RTL4: variants seen among roughly 807,000 people sequenced by gnomAD.
The protein encoded by RTL4 is retrotransposon Gag-like protein 4.
In RTL4, 4 loss-of-function variants were observed where a neutral mutation model predicts 5.3. The ratio of observed to expected loss-of-function variants is 0.75; its 90% CI spans 0.37 to 1.72. RTL4 has a LOEUF of 1.72. Among genes scored for constraint, RTL4 ranks in the 40% most tolerant of loss-of-function variants. The pLI is 0.04. For missense variants in RTL4, 260 were observed against 227.1 expected (o/e 1.14, Z -0.93); for synonymous variants, 98 against 87.3 (o/e 1.12, Z -0.68).
chrX:112,110,264 C>T, the RTL4 span, among the ~76,000 whole-genome samples: 2 of 112,105 alleles, frequency 1.8e-5, no homozygotes, highest in Middle Eastern at 4.6e-3. Context: ...GAGGTCTAGG[C>T]CTTGGTGGTT....
chrX:112,141,682 T>A, the RTL4 span, among the ~76,000 whole-genome samples: 3 of 111,358 alleles, frequency 2.7e-5, no homozygotes, highest in Non-Finnish European at 5.7e-5. Context: ...GGTCTAGAGA[T>A]ATCTCGTATA....
chrX:112,183,846 G>A, the RTL4 span, among the ~76,000 whole-genome samples: 115 of 111,711 alleles, frequency 1.0e-3, no homozygotes, highest in African/African-American at 3.6e-3. Flanking sequence ...GTGTATTTGT[G>A]CCACATTTTC....
At chrX:112,161,542 G>A in the RTL4 span, among the ~76,000 whole-genome samples, 1 of 111,222 alleles carries the variant, frequency 9.0e-6, no homozygotes, top group Non-Finnish European at 1.9e-5. Context: ...ATGAGTTTTA[G>A]TTTTGCTTTA....
chrX:112,137,561 A>T, the RTL4 span, among the ~76,000 whole-genome samples: 1 of 111,204 alleles, frequency 9.0e-6, no homozygotes, highest in East Asian at 2.8e-4. Context: ...AACAGCATAG[A>T]AGAAACCACC....
chrX:112,173,806 T>C, the RTL4 span, among the ~76,000 whole-genome samples: 4 of 110,741 alleles, frequency 3.6e-5, no homozygotes, highest in African/African-American at 1.3e-4. Flanking sequence ...AGTTTTATAA[T>C]AGGTGGTTGA....
the RTL4 span, among the ~76,000 whole-genome samples, chrX:112,390,332 G>T: frequency 9.9e-6 from 1 of 100,932 alleles, no homozygotes; most frequent in African/African-American, 3.6e-5. Flanking sequence ...CACTCCTGTA[G>T]TCCCAGCTAC....
chrX:112,390,116 T>TAA, the RTL4 span, among the ~76,000 whole-genome samples: 4 of 13,931 alleles, frequency 2.9e-4, no homozygotes, highest in African/African-American at 1.1e-3. Flanking sequence ...AATATATATA[T>TAA]ATATATATAT....
chrX:112,382,786 C>G, the RTL4 span, among the ~76,000 whole-genome samples: 784 of 111,871 alleles, frequency 7.0e-3, 9 homozygotes, highest in African/African-American at 0.024. Context: ...ATTCTGATAA[C>G]AGCAAGTCCA....
At chrX:112,295,721 A>G in the RTL4 span, among the ~76,000 whole-genome samples, 1 of 112,701 alleles carries the variant, frequency 8.9e-6, no homozygotes, top group Non-Finnish European at 1.9e-5. Context: ...AGCGAGCTTA[A>G]TGGGTCTATT....
chrX:112,210,208 G>A, the RTL4 span, among the ~76,000 whole-genome samples: 1 of 112,019 alleles, frequency 8.9e-6, no homozygotes, highest in African/African-American at 3.2e-5. Flanking sequence ...CTTTCTCCTT[G>A]CCTTACCTGA....
the RTL4 span, among the ~76,000 whole-genome samples, chrX:112,152,336 T>A: frequency 1.8e-5 from 2 of 112,048 alleles, no homozygotes; most frequent in Non-Finnish European, 3.8e-5. Flanking sequence ...AGATTTAAAG[T>A]GGACTTTGAA....
At chrX:112,330,950 C>T in the RTL4 span, among the ~76,000 whole-genome samples, 5 of 110,013 alleles carry the variant, frequency 4.5e-5, no homozygotes, top group East Asian at 2.8e-4. Flanking sequence ...AACTGGCTAG[C>T]CATATGTAGA....
At chrX:112,375,282 G>A in the RTL4 span, among the ~76,000 whole-genome samples, 4 of 110,983 alleles carry the variant, frequency 3.6e-5, no homozygotes, top group South Asian at 3.9e-4. Flanking sequence ...CAGTTGAGGC[G>A]GGGGCGGAAG....
the RTL4 span, among the ~76,000 whole-genome samples, chrX:112,159,758 G>A: frequency 1.8e-5 from 2 of 110,955 alleles, no homozygotes; most frequent in South Asian, 3.9e-4. Context: ...CTGCATGCCC[G>A]TCTCCCCACT....
the RTL4 span, among the ~76,000 whole-genome samples, chrX:112,106,638 C>T: frequency 8.9e-6 from 1 of 111,760 alleles, no homozygotes; most frequent in East Asian, 2.8e-4. Context: ...ATACTTCCAC[C>T]AGCAGTCTAT....
the RTL4 span, among the ~76,000 whole-genome samples, chrX:112,261,192 G>A: frequency 2.7e-5 from 3 of 111,409 alleles, no homozygotes; most frequent in Non-Finnish European, 3.8e-5. Context: ...TTCTGACCAC[G>A]GAAATCAGGC....
At chrX:112,346,999 CT>C in the RTL4 span, among the ~76,000 whole-genome samples, 1 of 111,699 alleles carries the variant, frequency 9.0e-6, no homozygotes, top group Non-Finnish European at 1.9e-5. Flanking sequence ...GATTTTAGTG[CT>C]TGTTATCTGT....
chrX:112,083,362 C>T, the RTL4 span, among the ~76,000 whole-genome samples: 1 of 112,449 alleles, frequency 8.9e-6, no homozygotes. Context: ...GAGGCTGCTC[C>T]GGCGACCATA....
chrX:112,083,113 C>A, the RTL4 span, among the ~76,000 whole-genome samples: 42 of 111,407 alleles, frequency 3.8e-4, no homozygotes, highest in Admixed American at 2.4e-3. Context: ...ATCTCTCCCC[C>A]CTCGGTACGG....
Sources: gnomAD v4.1 joint callset for allele counts (sites outside exome capture counted in the v4.1 genomes callset) on GRCh38, gnomAD v4.1.1 for gene constraint, MANE v1.5 for transcripts, NCBI Gene and HGNC (gene_info 2026-07-23, HGNC 2026-07-21) for gene names.